Variants in KIAA0753 observed in about 807,000 individuals in gnomAD.
KIAA0753 encodes KIAA0753.
A neutral mutation model predicts 116.9 loss-of-function variants in KIAA0753; 114 were observed. The observed-to-expected ratio is 0.98, with a 90% CI of 0.84 to 1.14. KIAA0753 has a LOEUF of 1.14. Among genes scored for constraint, KIAA0753 ranks in the 50% most tolerant of loss-of-function variants. The pLI, the probability that KIAA0753 is intolerant of heterozygous loss-of-function variation, is 0.00. For missense variants in KIAA0753, 1,156 were observed against 1,172.4 expected, an observed-to-expected ratio of 0.99 and a Z score of 0.20; for synonymous variants, 405 against 413.1, an observed-to-expected ratio of 0.98 and a Z score of 0.24.
intron 17 of KIAA0753, among the ~76,000 whole-genome samples, 168 bp downstream of exon 17, chr17:6,590,342 A>G (rs1968902304): frequency 6.6e-6 from 1 of 152,230 alleles, no homozygotes; most frequent in Non-Finnish European, 1.5e-5. Context: ...CAACACACTC[A>G]ATGCCCATCT....
intron 13 of KIAA0753, 77 bp from the exon 14 acceptor site, chr17:6,599,397 G>C (rs998674037): frequency 4.1e-6 from 4 of 986,688 alleles, no homozygotes; most frequent in Admixed American, 2.0e-5. Context: ...TCTATTACCA[G>C]AATGACTTGT....
chr17:6,603,161 GA>G, intron 12 of KIAA0753, among the ~76,000 whole-genome samples: 1 of 151,398 alleles, frequency 6.6e-6, no homozygotes. Flanking sequence ...GTAGAAGAGG[GA>G]AAAAAGAAAA....
intron 12 of KIAA0753, among the ~76,000 whole-genome samples, chr17:6,605,011 G>A (rs1970102321): frequency 6.6e-6 from 1 of 150,504 alleles, no homozygotes; most frequent in African/African-American, 2.5e-5. Flanking sequence ...CCTCCGGGAG[G>A]CCAAGGCAGA....
chr17:6,628,105 A>G lies in KIAA0753; in HGVS notation c.718+12T>C, dbSNP rs764246201. The stretch of plus-strand genomic sequence containing the variant: ...AGCCTTAGGTCGAAGTAAAGAATCT[A>G]ATTTTTCTCACCTTTTTTAGTTACC... On this transcript the variant is annotated intron_variant, in intron 3 of 18. Coordinates refer to ENST00000361413, the MANE Select transcript of KIAA0753 (RefSeq NM_014804.3). 4 of 1,601,292 alleles carry G rather than the reference A, an allele frequency of 2.5e-6. No individual in the cohort carries two copies. The highest frequency in any genetic ancestry group is 3.4e-6 in the Non-Finnish European group (4 of 1,174,530).
In KIAA0753 at chr17:6,623,064, G is replaced by C; in HGVS notation, c.922C>G (p.Arg308Gly). 1.2e-6 allele frequency: 2 copies of C among 1,613,856 alleles called. No individual in the cohort carries two copies. The highest frequency in any genetic ancestry group is 1.3e-5 in the African/African-American group (1 of 75,036). ...ATCTGTAAGGCCCGAATGGCTCCTC[G>C]ATGGGCAGCCGCCAGCTTAGACATT... ...WAMSKLAAAH[R>G]GAIRALQMFV... Residue 308 changes from arginine to glycine, a missense_variant, in exon 6 of 19, where the codon CGA becomes GGA. Physicochemically the swap from Arg to Gly is moderately radical, Grantham distance 125 (BLOSUM62 -2). Coordinates refer to ENST00000361413, the MANE Select transcript of KIAA0753 (RefSeq NM_014804.3).
intron 16 of KIAA0753, among the ~76,000 whole-genome samples, chr17:6,591,074 GAAGAA>G (rs1567540988): frequency 2.4e-4 from 29 of 120,844 alleles, no homozygotes; most frequent in African/African-American, 5.6e-4. Flanking sequence ...AGAAGAAGAA[GAAGAA>G]GAAGAAGAAG....
chr17:6,594,858 G>A, intron 16 of KIAA0753, 114 bp downstream of exon 16: 1 of 744,204 alleles, frequency 1.3e-6, no homozygotes, highest in South Asian at 1.6e-5. Context: ...AATGTTAATT[G>A]TAGAATCTAG....
chr17:6,615,950 C>T (rs1300520015), intron 7 of KIAA0753, among the ~76,000 whole-genome samples: 1 of 152,118 alleles, frequency 6.6e-6, no homozygotes, highest in African/African-American at 2.4e-5. Flanking sequence ...ATGAAGAGTA[C>T]ACAGGGAGGG....
chr17:6,623,635 G>A, intron 4 of KIAA0753, 64 bp from the exon 5 acceptor site: 2 of 1,558,502 alleles, frequency 1.3e-6, no homozygotes, highest in Non-Finnish European at 8.6e-7. Context: ...TGTAGAAAAG[G>A]ATGCATCGAT....
chr17:6,590,598 G>C lies in KIAA0753; in HGVS notation c.2473C>G (p.Leu825Val), dbSNP rs372563447. ...GTGATTCTGATTGGATGAGGAGATA[G>C]AGGCTTTTCACTTATTGCTGAGATT... The part of the protein sequence containing the change: ...QKISAISEKP[L>V]SPHPIRITKT... The change falls in exon 17 of 19, where the codon CTA (leucine) becomes GTA (valine). Residue 825 changes from leucine (L) to valine (V), a missense_variant. Physicochemically the swap from Leu to Val is conservative, Grantham distance 32. Transcript: ENST00000361413. The C allele has an allele frequency of 3.7e-6, 6 of 1,613,896 alleles. No individual in the cohort carries two copies. The highest frequency in any genetic ancestry group is 4.2e-6 in the Non-Finnish European group (5 of 1,179,924).
chr17:6,579,930 C>T (rs972421196), intron 18 of KIAA0753, 66 bp from the exon 19 acceptor site: 6 of 1,222,272 alleles, frequency 4.9e-6, no homozygotes, highest in South Asian at 3.6e-5. Flanking sequence ...CACCTGTCAT[C>T]CCAGCACTTT....
In KIAA0753 at chr17:6,623,514, T is replaced by C; in HGVS notation, c.883A>G (p.Lys295Glu). 1 of 1,600,220 alleles carries C rather than the reference T, an allele frequency of 6.2e-7. No homozygotes were observed. The highest frequency in any genetic ancestry group is 8.6e-7 in the Non-Finnish European group (1 of 1,169,358). Reference protein sequence around the residue: ...KLSPHKIKHTKKSWAMSKLAA... With the variant: ...KLSPHKIKHTEKSWAMSKLAA... ...ATAATTTAATTGCAGCATACCTTCT[T>C]AGTGTGTTTAATTTTATGTGGACTC... The change falls in exon 5 of 19, where the codon AAG becomes GAG. Residue 295 changes from lysine to glutamate, a missense_variant. Transcript: ENST00000361413.
Position 6,625,792 on chromosome 17 carries a change from T to A in KIAA0753, c.719-931A>T, listed in dbSNP as rs1441014537. 2.0e-5 allele frequency among the ~76,000 whole-genome samples: 3 copies of A among 152,112 alleles called. No individual in the cohort carries two copies. The South Asian group carries it at 6.3e-4, about 32-fold the overall frequency. ...CCAGTCTCACACAGCAACCTCCACC[T>A]CCCGGGTCAAGTGATTCTCCTGCCT... On this transcript the variant is annotated intron_variant, in intron 3 of 18. Transcript: ENST00000361413.
Position 6,639,033 on chromosome 17 carries a change from T to C in KIAA0753, c.-69+1604A>G. ...CCCTTTCCCTGAACCCTGGGTCACC[T>C]CCACATCTAGTTTCCTCTTCAGCAG... On this transcript the variant is annotated intron_variant, in intron 1 of 18. Transcript: ENST00000361413. The surrounding 1 kb of genome is among the most constrained non-coding windows in gnomAD (Gnocchi z 4.3). 6.6e-6 allele frequency: 1 copy of C among 152,522 alleles called. No homozygotes were observed. Among genetic ancestry groups the C allele is most frequent in the Non-Finnish European group, 1.5e-5 (1 of 68,674 alleles). The allele number at this position is 152,522 out of a possible 1,614,324, so 9.4% of individuals were successfully genotyped here. A position where few individuals can be genotyped will look rare whatever the true frequency, so the allele number is the denominator to read the frequency against.
chr17:6,635,159 C>T lies in KIAA0753; in HGVS notation c.-56G>A. ...GCCTTGTCATCCGGCAACAGTCTTCCCTAAAACCATTCCTAAAACGAAACA... is the reference window on the plus strand; with the variant it reads ...GCCTTGTCATCCGGCAACAGTCTTCTCTAAAACCATTCCTAAAACGAAACA... On this transcript the variant is annotated 5_prime_UTR_variant, in exon 2 of 19. Coordinates refer to ENST00000361413, the MANE Select transcript of KIAA0753 (RefSeq NM_014804.3). 1 of 1,304,946 alleles carries T rather than the reference C, an allele frequency of 7.7e-7. No individual in the cohort carries two copies. Among genetic ancestry groups the T allele is most frequent in the Non-Finnish European group, 1.1e-6 (1 of 900,286 alleles). 80.8% of individuals were successfully genotyped at this position (1,304,946 alleles called of 1,614,324 possible).
intron 17 of KIAA0753, 57 bp from the exon 18 acceptor site, chr17:6,590,060 C>T (rs1476831617): frequency 7.6e-7 from 1 of 1,314,088 alleles, no homozygotes; most frequent in African/African-American, 1.5e-5. Context: ...CAAGACTAAA[C>T]TGTTAATTTA....
intron 7 of KIAA0753, among the ~76,000 whole-genome samples, chr17:6,614,022 A>C (rs192515046): frequency 2.2e-4 from 33 of 152,342 alleles, no homozygotes; most frequent in African/African-American, 7.9e-4. Flanking sequence ...TAAACAATCC[A>C]ATAGAGAAAT....
At chr17:6,593,836 GACTGCACC>G (rs1969268793) in intron 16 of KIAA0753, among the ~76,000 whole-genome samples, 1 of 152,222 alleles carries the variant, frequency 6.6e-6, no homozygotes, top group East Asian at 1.9e-4. Flanking sequence ...GGTGAGCCGA[GACTGCACC>G]ACTGCACTCC....
intron 18 of KIAA0753, among the ~76,000 whole-genome samples, chr17:6,583,381 G>A (rs186538627): frequency 3.9e-5 from 6 of 152,024 alleles, no homozygotes; most frequent in Admixed American, 1.3e-4. Flanking sequence ...TTGAATCTAC[G>A]GCTTGATGTC....
Sources: allele counts gnomAD v4.1 joint callset (sites outside exome capture counted in the v4.1 genomes callset), GRCh38; gene constraint gnomAD v4.1.1; non-coding constraint Gnocchi (gnomAD v3.1); transcripts MANE v1.5; gene names NCBI Gene and HGNC (gene_info 2026-07-23, HGNC 2026-07-21).